The following POGLUT1 variants were observed in gnomAD, a reference collection of about 807,000 sequenced individuals.
POGLUT1 encodes the protein 9630046K23Rik.
Under a neutral mutation model 61.3 loss-of-function variants are expected in POGLUT1, and 32 were observed. The observed-to-expected ratio is 0.52, with a 90% confidence interval of 0.39 to 0.70. POGLUT1 has a LOEUF of 0.70. Ranked by LOEUF, POGLUT1 falls within the 30% of genes least tolerant of loss-of-function variation. The pLI is 0.00. For missense variants in POGLUT1, 411 were observed against 469.8 expected, an observed-to-expected ratio of 0.87 and a Z score of 1.16; for synonymous variants, 158 against 158.2, an observed-to-expected ratio of 1.00 and a Z score of 0.01.
At chr3:119,476,894 C>A (rs2081543602) in intron 3 of POGLUT1, among the ~76,000 whole-genome samples, 2 of 152,104 alleles carry the variant, frequency 1.3e-5, no homozygotes, top group African/African-American at 4.8e-5. Flanking sequence ...AAAATGGTGT[C>A]TTTGTGAGGA....
At chr3:119,487,040 A>G in intron 7 of POGLUT1, 108 bp downstream of exon 7, 2 of 753,896 alleles carry the variant, frequency 2.7e-6, no homozygotes, top group Non-Finnish European at 4.7e-6. Flanking sequence ...TGGTGAGGTG[A>G]ATGTAAAGAA....
intron 10 of POGLUT1, among the ~76,000 whole-genome samples, chr3:119,491,943 A>G (rs943361608): frequency 2.0e-5 from 3 of 152,016 alleles, no homozygotes; most frequent in Non-Finnish European, 2.9e-5. Context: ...AATCCCAGCT[A>G]CTCGGGAGGC....
chr3:119,469,281 C>T (rs1356797525), intron 1 of POGLUT1, 175 bp downstream of exon 1: 24 of 624,646 alleles, frequency 3.8e-5, no homozygotes, highest in Non-Finnish European at 6.3e-5. Flanking sequence ...GGTCTCTGCT[C>T]CTGCTCTGGA....
At chr3:119,488,868 G>T in intron 7 of POGLUT1, 61 bp from the exon 8 acceptor site, 1 of 872,892 alleles carries the variant, frequency 1.1e-6, no homozygotes. Context: ...AATGCTTGCT[G>T]CACAGTGATC....
At chr3:119,478,301 CT>C (rs1273595109) in intron 4 of POGLUT1, 1 of 454,432 alleles carries the variant, frequency 2.2e-6, no homozygotes, top group Non-Finnish European at 4.4e-6. Context: ...TTTATCCCCA[CT>C]TTTTCTTTAT....
chr3:119,491,937 C>T (rs1260903143), intron 10 of POGLUT1, among the ~76,000 whole-genome samples: 1 of 152,060 alleles, frequency 6.6e-6, no homozygotes, highest in Non-Finnish European at 1.5e-5. Context: ...GCCTGTAATC[C>T]CAGCTACTCG....
chr3:119,476,671 A>G (rs559600139), intron 3 of POGLUT1, among the ~76,000 whole-genome samples: 1 of 152,324 alleles, frequency 6.6e-6, no homozygotes, highest in African/African-American at 2.4e-5. Context: ...GAAACAAGCT[A>G]AACTGTCAGT....
chr3:119,485,086 G>A (rs1003519135), intron 5 of POGLUT1, among the ~76,000 whole-genome samples: 5 of 152,050 alleles, frequency 3.3e-5, no homozygotes, highest in Non-Finnish European at 7.4e-5. Context: ...GCGTGGTGGC[G>A]GGCGCCTGTG....
chr3:119,481,942 A>AT (rs1354331581), intron 5 of POGLUT1, among the ~76,000 whole-genome samples: 5 of 152,186 alleles, frequency 3.3e-5, no homozygotes, highest in African/African-American at 7.2e-5. Context: ...GTTTTTTAAA[A>AT]TTTTTTGTAG....
chr3:119,470,028 C>A, intron 2 of POGLUT1, 118 bp downstream of exon 2: 1 of 679,378 alleles, frequency 1.5e-6, no homozygotes, highest in Non-Finnish European at 2.6e-6. Context: ...TTTTCTATTT[C>A]TGGGGAATAA....
intron 7 of POGLUT1, chr3:119,488,571 C>T (rs2081701038): frequency 1.2e-5 from 2 of 163,388 alleles, no homozygotes; most frequent in Non-Finnish European, 2.6e-5. Context: ...AGGCCATCAG[C>T]CAGCACTTGG....
chr3:119,473,950 C>G (rs1374226156), intron 3 of POGLUT1, among the ~76,000 whole-genome samples: 1 of 152,102 alleles, frequency 6.6e-6, no homozygotes, highest in African/African-American at 2.4e-5. Context: ...GGTCTAGATA[C>G]TTTTAACTCA....
rs751780827 is a variant in POGLUT1, at chr3:119,480,060, T to A, written c.466T>A (p.Tyr156Asn). Residue 156 changes from tyrosine (Y) to asparagine (N), a missense_variant, in exon 5 of 11, where the codon TAC (tyrosine) becomes AAC (asparagine). Tyr to Asn is a moderately radical substitution (Grantham distance 143, BLOSUM62 -2). Transcript: ENST00000295588. Reference sequence around the variant, plus strand: ...TCTGTTTTTGTTGAAGACATCAGAGTACCATGATATCATGTATCCTGCTTG... The same window carrying A: ...TCTGTTTTTGTTGAAGACATCAGAGAACCATGATATCATGTATCCTGCTTG... Reference protein sequence around the residue: ...PVFSFSKTSEYHDIMYPAWTF... With the variant: ...PVFSFSKTSENHDIMYPAWTF... 52 of 1,613,570 alleles carry A rather than the reference T, an allele frequency of 3.2e-5. No homozygotes were observed. The highest frequency in any genetic ancestry group is 4.2e-5 in the Non-Finnish European group (50 of 1,179,780).
At chr3:119,490,181 A>G (rs2081724741) in intron 8 of POGLUT1, 1 of 177,508 alleles carries the variant, frequency 5.6e-6, no homozygotes, top group African/African-American at 2.4e-5. Flanking sequence ...CACTCGTTTT[A>G]TTTTATGTTT....
At position 119,477,199 on chromosome 3, in the gene POGLUT1, A is replaced by G. The variant is rs1269592461; in HGVS notation, c.321-114A>G. 1.7e-5 allele frequency: 17 copies of G among 1,013,010 alleles called. No individual in the cohort carries two copies. The East Asian group carries it at 3.6e-4, about 21-fold the overall frequency. The allele number at this position is 1,013,010 out of a possible 1,614,324, so 62.8% of individuals were successfully genotyped here. ...CAGGAGACTTTGCAGTAGACTGATGATATGGAACACTGGAACACTGGCTTG... is the reference window on the plus strand; with the variant it reads ...CAGGAGACTTTGCAGTAGACTGATGGTATGGAACACTGGAACACTGGCTTG... On this transcript the variant is annotated intron_variant, in intron 3 of 10. Transcript: ENST00000295588.
At position 119,486,847 on chromosome 3, in the gene POGLUT1, G is replaced by A. The variant is rs1195740692; in HGVS notation, c.653G>A (p.Arg218Gln). 3 of 1,611,840 alleles carry A rather than the reference G, an allele frequency of 1.9e-6. No homozygotes were observed. Among genetic ancestry groups the A allele is most frequent in the Non-Finnish European group, 2.5e-6 (3 of 1,178,042 alleles). Residue 218 changes from arginine (R) to glutamine (Q), a missense_variant, in exon 7 of 11, where the codon CGA (arginine) becomes CAA (glutamine). Physicochemically the swap from Arg to Gln is conservative, Grantham distance 43 (BLOSUM62 1). Coordinates refer to ENST00000295588, the MANE Select transcript of POGLUT1 (RefSeq NM_152305.3). ...YFRGSRTSPE[R>Q]DPLILLSRKN... ...TTCTTTTATAGGACAAGTCCAGAAC[G>A]AGATCCTCTCATTCTTCTGTCTCGG...
chr3:119,471,488 T>G (rs1250250745), intron 3 of POGLUT1, 36 bp downstream of exon 3: 1 of 1,596,366 alleles, frequency 6.3e-7, no homozygotes, highest in African/African-American at 1.3e-5. Flanking sequence ...CTTCTGACTT[T>G]ATTACATATG....
chr3:119,471,652 G>A (rs1006042357), intron 3 of POGLUT1, 200 bp downstream of exon 3: 6 of 548,086 alleles, frequency 1.1e-5, no homozygotes, highest in Non-Finnish European at 2.0e-5. Flanking sequence ...CCTCTGTGAG[G>A]CTTGGTTCAT....
In POGLUT1 at chr3:119,493,403, G is replaced by C. The variant is rs764947256; in HGVS notation, c.*965G>C. On this transcript the variant is annotated 3_prime_UTR_variant, in exon 11 of 11. Coordinates refer to ENST00000295588, the MANE Select transcript of POGLUT1 (RefSeq NM_152305.3). ...TGTTTTAGTGCAAATCCATGATGGA[G>C]TGCCTCCCTTTTCCTTTTTTCACTT... 5.9e-5 allele frequency: 9 copies of C among 152,160 alleles called. No homozygotes were observed. The highest frequency in any genetic ancestry group is 5.2e-4 in the Admixed American group (8 of 15,276). 9.4% of individuals were successfully genotyped at this position (152,160 alleles called of 1,614,324 possible). A position where few individuals can be genotyped will look rare whatever the true frequency, so the allele number is the denominator to read the frequency against.
Sources: allele counts gnomAD v4.1 joint callset (sites outside exome capture counted in the v4.1 genomes callset), GRCh38; gene constraint gnomAD v4.1.1; transcripts MANE v1.5; gene names NCBI Gene and HGNC (gene_info 2026-07-23, HGNC 2026-07-21).